The following DGKD variants were observed in gnomAD, a reference collection of about 807,000 sequenced individuals.
The protein encoded by DGKD is diacylglycerol kinase delta, also known as DAG kinase delta.
Under a neutral mutation model 154.4 loss-of-function variants are expected in DGKD, and 68 were observed. The ratio of observed to expected loss-of-function variants is 0.44; its 90% CI spans 0.36 to 0.54. DGKD has a LOEUF of 0.54. Ranked by LOEUF, DGKD falls within the 20% of genes least tolerant of loss-of-function variation. The probability of loss-of-function intolerance (pLI) is 0.00; values close to 1 mark genes in which losing one functional copy is unlikely to be tolerated. For missense variants in DGKD, 1,343 were observed against 1,593.6 expected, an observed-to-expected ratio of 0.84 and a Z score of 2.68; for synonymous variants, 693 against 638.0, an observed-to-expected ratio of 1.09 and a Z score of -1.30.
intron 3 of DGKD, among the ~76,000 whole-genome samples, chr2:233,406,994 A>G (rs2061702611): frequency 6.6e-6 from 1 of 152,234 alleles, no homozygotes; most frequent in South Asian, 2.1e-4. Flanking sequence ...TTGATGAAGT[A>G]TATCATAAAG....
intron 3 of DGKD, among the ~76,000 whole-genome samples, chr2:233,400,469 G>T (rs191044966): frequency 6.6e-6 from 1 of 152,346 alleles, no homozygotes; most frequent in East Asian, 1.9e-4. Flanking sequence ...ATGCTGTCCT[G>T]GCCTGGGCCT....
intron 17 of DGKD, among the ~76,000 whole-genome samples, chr2:233,451,276 G>A (rs1225008927): frequency 6.7e-6 from 1 of 150,046 alleles, no homozygotes; most frequent in Middle Eastern, 3.2e-3. Context: ...CACCCAAGGA[G>A]CCCAGGAGGC....
Position 233,460,307 on chromosome 2 carries a change from G to A in DGKD, c.2943G>A (p.Met981Ile). 2 of 1,614,016 alleles carry A rather than the reference G, an allele frequency of 1.2e-6. No homozygotes were observed. Among genetic ancestry groups the A allele is most frequent in the Non-Finnish European group, 1.7e-6 (2 of 1,179,980 alleles). The change falls in exon 24 of 30, where the codon ATG (methionine) becomes ATA (isoleucine). Residue 981 changes from methionine to isoleucine, a missense_variant. Transcript: ENST00000264057. The stretch of plus-strand genomic sequence containing the variant: ...TGTCCGAGGAGGAGGCCACCCAGAT[G>A]GACCAGTTTGGGCAGGCAGCAGGGG... ...EMLSEEEATQ[M>I]DQFGQAAGVL...
intron 1 of DGKD, among the ~76,000 whole-genome samples, chr2:233,375,800 C>T (rs187058915): frequency 2.6e-5 from 4 of 152,268 alleles, no homozygotes; most frequent in East Asian, 3.9e-4. Context: ...CAGCCTGTGT[C>T]TTTCTTGTTT....
intron 3 of DGKD, among the ~76,000 whole-genome samples, chr2:233,391,916 A>G (rs1339259370): frequency 6.6e-6 from 1 of 152,180 alleles, no homozygotes; most frequent in Non-Finnish European, 1.5e-5. Context: ...CCAGCTGGGA[A>G]GAGACATTTT....
chr2:233,380,267 G>A (rs947680775), intron 1 of DGKD, among the ~76,000 whole-genome samples: 1 of 152,172 alleles, frequency 6.6e-6, no homozygotes, highest in Admixed American at 6.5e-5. Context: ...GTACATTTCA[G>A]TGTGGAGGCC....
In DGKD at chr2:233,393,225, G is replaced by A. The variant is rs898707162; in HGVS notation, c.348+2742G>A. Among the ~76,000 whole-genome samples, 4 of 151,794 alleles carry A rather than the reference G, an allele frequency of 2.6e-5. No individual in the cohort carries two copies. In the South Asian group the frequency reaches 6.3e-4, roughly 24 times the overall value. On this transcript the variant is annotated intron_variant, in intron 3 of 29. Transcript: ENST00000264057. ...TATTTTCAGTTAGAGACGGGGTTTC[G>A]CCATGTTGGCCAGGCTGTTCTCAAA...
chr2:233,435,891 G>A lies in DGKD; in HGVS notation c.660G>A (p.Ser220=), dbSNP rs755814063. 1.2e-5 allele frequency: 19 copies of A among 1,611,486 alleles called. No individual in the cohort carries two copies. Among genetic ancestry groups the A allele is most frequent in the South Asian group, 5.5e-5 (5 of 90,886 alleles). Residue 220 remains serine, a synonymous_variant, in exon 6 of 30, where the codon TCG becomes TCA. Coordinates refer to ENST00000264057, the MANE Select transcript of DGKD (RefSeq NM_152879.3). The part of the protein sequence containing the change: ...TNNCKWTTLA[S]IGKDIIEDAD... ...ACTGCAAGTGGACCACACTGGCCTC[G>A]ATCGGGAAGGACATCATTGAAGATG...
At position 233,459,409 on chromosome 2, in the gene DGKD, T is replaced by C. The variant is rs955901184; in HGVS notation, c.2695-348T>C. Among the ~76,000 whole-genome samples, 1 of 152,192 alleles carries C rather than the reference T, an allele frequency of 6.6e-6. No individual in the cohort carries two copies. The highest frequency in any genetic ancestry group is 1.5e-5 in the Non-Finnish European group (1 of 68,034). On this transcript the variant is annotated intron_variant, in intron 22 of 29. Coordinates refer to ENST00000264057, the MANE Select transcript of DGKD (RefSeq NM_152879.3). The surrounding 1 kb of genome is among the most constrained non-coding windows in gnomAD (Gnocchi z 5.7). ...TCATCCACTGTGCCATCTGCTCTTT[T>C]CTAGGGGTGTTTTCACGTGGCAGGG... is the stretch of plus-strand genomic sequence containing the variant.
rs978315678 is a variant in DGKD, at chr2:233,445,560, G to A, written c.1195-63G>A. The A allele has an allele frequency of 3.0e-5, 45 of 1,523,558 alleles. No homozygotes were observed. Among genetic ancestry groups the A allele is most frequent in the African/African-American group, 5.6e-5 (4 of 71,910 alleles). The allele number at this position is 1,523,558 out of a possible 1,614,324, so 94.4% of individuals were successfully genotyped here. ...CACGGTGGGGGACAAGGAGGGCTGC[G>A]GGCTGGGAAGTGGCCCCTGCCCCCA... On this transcript the variant is annotated intron_variant, in intron 10 of 29. Coordinates refer to ENST00000264057, the MANE Select transcript of DGKD (RefSeq NM_152879.3). The surrounding 1 kb of genome is among the most constrained non-coding windows in gnomAD (Gnocchi z 5.5).
intron 1 of DGKD, among the ~76,000 whole-genome samples, chr2:233,362,076 G>A (rs1701810332): frequency 1.3e-5 from 2 of 152,146 alleles, no homozygotes; most frequent in African/African-American, 4.8e-5. Flanking sequence ...GGGATTACAT[G>A]CGTGAGCCAC....
rs1274445327 is a variant in DGKD at position 233,449,671 on chromosome 2, C to T, written c.1888+295C>T. 2.6e-5 allele frequency among the ~76,000 whole-genome samples: 4 copies of T among 152,300 alleles called. No homozygotes were observed. Among genetic ancestry groups the T allele is most frequent in the East Asian group, 3.9e-4 (2 of 5,144 alleles). On this transcript the variant is annotated intron_variant, in intron 15 of 29. Coordinates refer to ENST00000264057, the MANE Select transcript of DGKD (RefSeq NM_152879.3). This position sits in a 1 kb window ranked among gnomAD's most constrained non-coding sequence, Gnocchi z 5.3. ...AGCCTTGAGGTCACGGCCTCACACC[C>T]GCACACCTGCGTGTCCATGCAGCCG...
In DGKD at chr2:233,458,289, C is replaced by G; in HGVS notation, c.2586C>G (p.Phe862Leu). The G allele has an allele frequency of 6.2e-7, 1 of 1,611,484 alleles. No homozygotes were observed. The highest frequency in any genetic ancestry group is 8.5e-7 in the Non-Finnish European group (1 of 1,178,622). ...FWGGTKEDDT[F>L]AAPSFDDKIL... is the part of the protein sequence containing the mutation. ...CTCTAACGTGTCCCTTGCAGACTTT[C>G]GCAGCTCCATCATTCGATGACAAGA... is the stretch of plus-strand genomic sequence containing the variant. Residue 862 changes from phenylalanine (F) to leucine (L), a missense_variant, in exon 22 of 30, where the codon TTC becomes TTG. Transcript: ENST00000264057. The surrounding 1 kb of genome is among the most constrained non-coding windows in gnomAD (Gnocchi z 6.6).
At chr2:233,423,119 T>G (rs570297216) in intron 3 of DGKD, among the ~76,000 whole-genome samples, 3 of 152,148 alleles carry the variant, frequency 2.0e-5, no homozygotes. Flanking sequence ...CTGAGTAGTA[T>G]TCCACGGGTG....
intron 3 of DGKD, among the ~76,000 whole-genome samples, chr2:233,425,427 T>G (rs1197981942): frequency 1.3e-5 from 2 of 152,176 alleles, no homozygotes; most frequent in African/African-American, 4.8e-5. Context: ...GACCTCGTGA[T>G]TTGCCCGCCT....
intron 3 of DGKD, among the ~76,000 whole-genome samples, chr2:233,395,777 ACC>A: frequency 6.6e-6 from 1 of 150,678 alleles, no homozygotes; most frequent in Non-Finnish European, 1.5e-5. Flanking sequence ...CAAGCGATCC[ACC>A]GGCCTCAGCC....
rs907911082 is a variant in DGKD at position 233,429,472 on chromosome 2, C to T, written c.349-4908C>T. Among the ~76,000 whole-genome samples the T allele has an allele frequency of 7.8e-4, 118 of 152,146 alleles. 3 individuals carry two copies. Among genetic ancestry groups the T allele is most frequent in the Non-Finnish European group, 2.8e-4 (19 of 68,016 alleles). On this transcript the variant is annotated intron_variant, in intron 3 of 29. Transcript: ENST00000264057. ...TTGGCAGCTCCCAGTCTCCCATGAC[C>T]GTCCCTCAGTGGCTGTCCAGAGACT...
At chr2:233,454,911 T>C in intron 19 of DGKD, 38 bp downstream of exon 19, 1 of 1,307,068 alleles carries the variant, frequency 7.7e-7, no homozygotes, top group East Asian at 2.3e-5. Context: ...GTCTTTTGCG[T>C]CTTTGTGGCT....
chr2:233,405,805 T>C (rs1278453846), intron 3 of DGKD, among the ~76,000 whole-genome samples: 1 of 152,208 alleles, frequency 6.6e-6, no homozygotes, highest in African/African-American at 2.4e-5. Flanking sequence ...AAGACACATG[T>C]CTAGAGGGCT....
Sources: gnomAD v4.1 joint callset for allele counts (sites outside exome capture counted in the v4.1 genomes callset) on GRCh38, gnomAD v4.1.1 for gene constraint, Gnocchi (gnomAD v3.1) non-coding constraint, MANE v1.5 for transcripts, NCBI Gene and HGNC (gene_info 2026-07-23, HGNC 2026-07-21) for gene names.